ZFHX3: variants seen among roughly 807,000 people sequenced by gnomAD.
The protein encoded by ZFHX3 is zinc finger homeobox protein 3.
A neutral mutation model predicts 279.1 loss-of-function variants in ZFHX3; 42 were observed. That is an observed-to-expected ratio of 0.15 (90% CI 0.12 to 0.19). The LOEUF is 0.19. Among genes scored for constraint, ZFHX3 ranks in the 10% least tolerant of loss-of-function variants. The probability of loss-of-function intolerance (pLI) is 1.00; values close to 1 mark genes in which losing one functional copy is unlikely to be tolerated. For missense variants in ZFHX3, 4,981 were observed against 4,754.0 expected, an observed-to-expected ratio of 1.05 and a Z score of -1.40; for synonymous variants, 2,293 against 1,957.8, an observed-to-expected ratio of 1.17 and a Z score of -4.52.
chr16:73,824,032 C>T (rs1960825778), intron 1 of ZFHX3, among the ~76,000 whole-genome samples: 1 of 152,144 alleles, frequency 6.6e-6, no homozygotes, highest in African/African-American at 2.4e-5. Flanking sequence ...AGTTGATTCC[C>T]TTAAGGAATT....
chr16:73,869,985 G>T (rs1056944370), intron 1 of ZFHX3, among the ~76,000 whole-genome samples: 1 of 152,142 alleles, frequency 6.6e-6, no homozygotes, highest in Admixed American at 6.5e-5. Context: ...TCAGTGTCAA[G>T]CTTCTAACTG....
intron 2 of ZFHX3, among the ~76,000 whole-genome samples, chr16:73,649,902 T>C (rs2052654824): frequency 6.6e-6 from 1 of 152,172 alleles, no homozygotes; most frequent in South Asian, 2.1e-4. Context: ...AAATCTGCAT[T>C]TGATCGAAGC....
intron 2 of ZFHX3, among the ~76,000 whole-genome samples, chr16:73,565,391 C>T (rs554643552): frequency 6.6e-6 from 1 of 152,310 alleles, no homozygotes; most frequent in East Asian, 1.9e-4. Context: ...CCGATGAATT[C>T]TTCAATGGCC....
chr16:73,058,688 C>G (rs1272445723), exon 1 of ZFHX3: 1 of 201,522 alleles, frequency 5.0e-6, no homozygotes, highest in South Asian at 1.9e-4. Context: ...CGGCGGAGGA[C>G]GCGCTGCTGG....
intron 5 of ZFHX3, among the ~76,000 whole-genome samples, chr16:73,181,211 C>T (rs919419471): frequency 3.3e-5 from 5 of 151,706 alleles, no homozygotes; most frequent in Middle Eastern, 3.4e-3. Flanking sequence ...AGCGATTCTC[C>T]TGCCTCAGCC....
At chr16:73,488,362 G>A (rs1401252709) in intron 2 of ZFHX3, among the ~76,000 whole-genome samples, 21 of 152,162 alleles carry the variant, frequency 1.4e-4, no homozygotes, top group Non-Finnish European at 1.0e-4. Flanking sequence ...GGACCTGCAC[G>A]GGGTGGGGTA....
intron 4 of ZFHX3, among the ~76,000 whole-genome samples, chr16:73,270,258 T>C (rs977915666): frequency 6.6e-6 from 1 of 152,202 alleles, no homozygotes; most frequent in African/African-American, 2.4e-5. Flanking sequence ...AAAAAATCAC[T>C]TTAAATCTAC....
chr16:73,759,810 G>C (rs1283561336), intron 1 of ZFHX3, among the ~76,000 whole-genome samples: 3 of 151,700 alleles, frequency 2.0e-5, no homozygotes, highest in African/African-American at 7.3e-5. Context: ...GGGAGAACGA[G>C]TCCATTTTCC....
intron 5 of ZFHX3, among the ~76,000 whole-genome samples, chr16:73,214,878 A>ATTTTTT (rs1597224214): frequency 2.2e-5 from 1 of 45,588 alleles, no homozygotes; most frequent in African/African-American, 7.6e-5. Context: ...TCTGTTGTTC[A>ATTTTTT]GGGTTTCCAG....
At chr16:73,281,777 A>G (rs967711350) in intron 4 of ZFHX3, among the ~76,000 whole-genome samples, 1 of 152,230 alleles carries the variant, frequency 6.6e-6, no homozygotes, top group Non-Finnish European at 1.5e-5. Context: ...ATAGCTTTTT[A>G]TATGTCAATC....
At chr16:73,434,610 GTT>G (rs11300899) in intron 3 of ZFHX3, among the ~76,000 whole-genome samples, 2,477 of 151,340 alleles carry the variant, frequency 0.016, 27 homozygotes, top group Middle Eastern at 0.037. Flanking sequence ...TATGGATGGT[GTT>G]TTTTTTTTGT....
At position 73,453,568 on chromosome 16, in the gene ZFHX3, G is replaced by A. The variant is rs760166714; in HGVS notation, c.-1291+2435C>T. 1.4e-4 allele frequency among the ~76,000 whole-genome samples: 21 copies of A among 152,180 alleles called. 1 individual carries two copies. The highest frequency in any genetic ancestry group is 2.8e-4 in the Non-Finnish European group (19 of 68,022). On this transcript the variant is annotated intron_variant, in intron 3 of 17. Transcript: ENST00000641206. ...AGCTGTTTTAACCATCCTGGCCCAG[G>A]AGCCAGACATGCAAATGAAGGAACC... is the stretch of plus-strand genomic sequence containing the variant.
intron 2 of ZFHX3, among the ~76,000 whole-genome samples, chr16:73,501,957 A>T (rs1386025646): frequency 2.6e-5 from 4 of 151,636 alleles, no homozygotes; most frequent in African/African-American, 4.9e-5. Flanking sequence ...GAGGATTTTT[A>T]TTTTTTTTAA....
intron 3 of ZFHX3, among the ~76,000 whole-genome samples, chr16:73,406,376 C>T (rs1291651839): frequency 6.6e-6 from 1 of 152,300 alleles, no homozygotes; most frequent in Non-Finnish European, 1.5e-5. Context: ...GAGTTACAGT[C>T]GAGGCAGGAC....
At chr16:73,775,395 T>A (rs1174978988) in intron 1 of ZFHX3, among the ~76,000 whole-genome samples, 1 of 152,044 alleles carries the variant, frequency 6.6e-6, no homozygotes, top group Non-Finnish European at 1.5e-5. Flanking sequence ...TAACCCCACC[T>A]CCCTCAGCTG....
chr16:72,904,042 A>G (rs1168586578), intron 3 of ZFHX3, among the ~76,000 whole-genome samples: 1 of 152,192 alleles, frequency 6.6e-6, no homozygotes, highest in Non-Finnish European at 1.5e-5. Context: ...GAATATTTCT[A>G]TCCTCAGTTC....
chr16:73,363,852 A>G (rs1467445036), intron 3 of ZFHX3, among the ~76,000 whole-genome samples: 1 of 152,144 alleles, frequency 6.6e-6, no homozygotes, highest in African/African-American at 2.4e-5. Flanking sequence ...TCTGCCTAAC[A>G]TAGAATTAAT....
At position 73,819,257 on chromosome 16, in the gene ZFHX3, A is replaced by G. The variant is rs116107878; in HGVS notation, c.-1608+72394T>C. On this transcript the variant is annotated intron_variant, in intron 1 of 17. Coordinates refer to the ZFHX3 transcript ENST00000641206. ...GCACTACTGACACTTTGGGCTGGAT[A>G]GTTCTTTGTTGAGGAGTGGGGCAAG... Among the ~76,000 whole-genome samples, 407 of 151,640 alleles carry G rather than the reference A, an allele frequency of 2.7e-3. 4 individuals are homozygous for G. The highest frequency in any genetic ancestry group is 9.4e-3 in the African/African-American group (388 of 41,304).
At chr16:73,109,196 G>C (rs1362762485) in intron 7 of ZFHX3, among the ~76,000 whole-genome samples, 2 of 152,212 alleles carry the variant, frequency 1.3e-5, no homozygotes, top group Non-Finnish European at 2.9e-5. Flanking sequence ...ATTCAAATGT[G>C]AGTGAGTGAA....
Sources: allele counts gnomAD v4.1 joint callset (sites outside exome capture counted in the v4.1 genomes callset), GRCh38; gene constraint gnomAD v4.1.1; transcripts MANE v1.5; gene names NCBI Gene and HGNC (gene_info 2026-07-23, HGNC 2026-07-21).